The following SIGLEC9 variants were observed in gnomAD, a reference collection of about 807,000 sequenced individuals.
The protein encoded by SIGLEC9 is sialic acid-binding Ig-like lectin 9.
SIGLEC9 carries 26 observed loss-of-function variants against 38.3 expected under a neutral mutation model. The ratio of observed to expected loss-of-function variants is 0.68; its 90% CI spans 0.50 to 0.94. The LOEUF (loss-of-function observed/expected upper bound fraction) is 0.94, where lower values mean the gene tolerates loss of function less well. Ranked by LOEUF, SIGLEC9 falls within the 40% of genes least tolerant of loss-of-function variation. The pLI is 0.00. For missense variants in SIGLEC9, 556 were observed against 585.7 expected (o/e 0.95, Z 0.52); for synonymous variants, 236 against 248.0 (o/e 0.95, Z 0.45).
chr19:51,125,436 T>C (rs751845758), intron 1 of SIGLEC9, 41 bp downstream of exon 1: 3 of 1,556,782 alleles, frequency 1.9e-6, no homozygotes, highest in Non-Finnish European at 1.7e-6. Context: ...GGAAAGGTCA[T>C]GGGGGCGGCA....
At chr19:51,122,044 C>G (rs1185540233), upstream of SIGLEC9, among the ~76,000 whole-genome samples, 1 of 152,142 alleles carries the variant, frequency 6.6e-6, no homozygotes, top group Non-Finnish European at 1.5e-5. The surrounding 1 kb of genome is among the most constrained non-coding windows in gnomAD (Gnocchi z 4.1). Flanking sequence ...CCTCGGCACC[C>G]TCAGTCTAAG....
rs200658 is a variant in SIGLEC9, at chr19:51,125,348, G to A, written c.374G>A (p.Ser125Asn). 2.3e-3 allele frequency: 3,740 copies of A among 1,605,912 alleles called. 64 individuals carry two copies. In the African/African-American group the frequency reaches 0.043, roughly 18 times the overall value. ...GRYFFRMEKG[S>N]IKWNYKHHRL... Reference sequence around the variant, plus strand: ...TACTTCTTTCGTATGGAGAAAGGAAGTATAAAATGGAATTATAAACATCAC... The same window carrying A: ...TACTTCTTTCGTATGGAGAAAGGAAATATAAAATGGAATTATAAACATCAC... The change falls in exon 1 of 7, where the codon AGT becomes AAT. Residue 125 changes from serine (S) to asparagine (N), a missense_variant. Coordinates refer to ENST00000250360, the MANE Select transcript of SIGLEC9 (RefSeq NM_014441.3).
chr19:51,127,887 G>A, intron 4 of SIGLEC9, 62 bp from the exon 5 acceptor site: 2 of 944,080 alleles, frequency 2.1e-6, no homozygotes, highest in Admixed American at 3.7e-5. Context: ...TACAGGAAGT[G>A]GGAGGAGAAG....
downstream of SIGLEC9, among the ~76,000 whole-genome samples, chr19:51,131,047 C>T (rs1003344611): frequency 7.2e-5 from 11 of 152,058 alleles, no homozygotes; most frequent in African/African-American, 2.7e-4. Context: ...AAAGCCAAAC[C>T]CAGGGAATGA....
intron 5 of SIGLEC9, 79 bp downstream of exon 5, chr19:51,128,118 G>A (rs2091991097): frequency 1.7e-6 from 2 of 1,197,894 alleles, no homozygotes; most frequent in Non-Finnish European, 2.5e-6. Context: ...TGAAGCCAGA[G>A]CTGGAGGGAC....
chr19:51,126,672 G>A (rs2091981191), intron 3 of SIGLEC9, among the ~76,000 whole-genome samples: 1 of 152,172 alleles, frequency 6.6e-6, no homozygotes, highest in Non-Finnish European at 1.5e-5. Context: ...TCCACTGCAT[G>A]GATGGACTCT....
At chr19:51,135,987 C>G in exon 7 of SIGLEC9, 1 of 703,106 alleles carries the variant, frequency 1.4e-6, no homozygotes, top group Non-Finnish European at 2.6e-6. Context: ...ATTGGATTTC[C>G]TACATTCCTT....
At chr19:51,120,658 C>T, upstream of SIGLEC9, 1 of 167,984 alleles carries the variant, frequency 6.0e-6, no homozygotes. This position sits in a 1 kb window ranked among gnomAD's most constrained non-coding sequence, Gnocchi z 4.1. Context: ...CAGTTCTCAG[C>T]CTTATCCCAC....
rs770809960 is a variant in SIGLEC9 at position 51,129,965 on chromosome 19, G to C, written c.1278G>C (p.Val426=). 6.2e-7 allele frequency: 1 copy of C among 1,613,888 alleles called. No individual in the cohort carries two copies. The highest frequency in any genetic ancestry group is 1.7e-5 in the Admixed American group (1 of 59,976). The change falls in exon 7 of 7, where the codon GTG becomes GTC. Residue 426 remains valine, a synonymous_variant. Transcript: ENST00000250360. The part of the protein sequence containing the change: ...QPPPASARSS[V]GEGELQYASL... ...CCCCAGCTTCTGCCCGCTCCTCAGT[G>C]GGGGAAGGAGAGCTCCAGTATGCAT...
Position 51,125,698 on chromosome 19 carries a change from C to T in SIGLEC9, c.523C>T (p.Pro175Ser), listed in dbSNP as rs2091973502. 4 of 1,613,864 alleles carry T rather than the reference C, an allele frequency of 2.5e-6. No homozygotes were observed. The highest frequency in any genetic ancestry group is 3.4e-6 in the Non-Finnish European group (4 of 1,179,976). ...SVPWACEQGT[P>S]PMISWIGTSV... ...GCCCTGGGCCTGTGAGCAGGGGACA[C>T]CCCCTATGATCTCCTGGATAGGGAC... Residue 175 changes from proline to serine, a missense_variant, in exon 2 of 7, where the codon CCC becomes TCC. Pro to Ser is a moderately conservative substitution (Grantham distance 74). Coordinates refer to ENST00000250360, the MANE Select transcript of SIGLEC9 (RefSeq NM_014441.3).
upstream of SIGLEC9, among the ~76,000 whole-genome samples, chr19:51,121,602 T>TG (rs1266440622): frequency 7.3e-6 from 1 of 136,528 alleles, no homozygotes; most frequent in African/African-American, 3.5e-5. Flanking sequence ...TTTTTTTTTT[T>TG]GAAGATGAAG....
chr19:51,125,634 C>T lies in SIGLEC9; in HGVS notation c.459C>T (p.Thr153=). 4 of 1,612,946 alleles carry T rather than the reference C, an allele frequency of 2.5e-6. No individual in the cohort carries two copies. The highest frequency in any genetic ancestry group is 3.4e-6 in the Non-Finnish European group (4 of 1,179,978). ...THRPNILIPG[T]LESGCPQNLT... ...GGCCCAACATCCTCATCCCAGGCACCCTGGAGTCCGGCTGCCCCCAGAATC... is the reference window on the plus strand; with the variant it reads ...GGCCCAACATCCTCATCCCAGGCACTCTGGAGTCCGGCTGCCCCCAGAATC... The change falls in exon 2 of 7, where the codon ACC becomes ACT. Residue 153 remains threonine, a synonymous_variant. Transcript: ENST00000250360.
chr19:51,125,011 G>C lies in SIGLEC9; in HGVS notation c.37G>C (p.Glu13Gln). The C allele has an allele frequency of 6.2e-7, 1 of 1,611,934 alleles. No homozygotes were observed. The highest frequency in any genetic ancestry group is 1.1e-5 in the South Asian group (1 of 90,852). ...GCTGCTGCCCCTGCTCTGGGGGAGG[G>C]AGAGGGCGGAAGGACAGACAAGTAA... is the stretch of plus-strand genomic sequence containing the variant. ...LLLLPLLWGR[E>Q]RAEGQTSKLL... Residue 13 changes from glutamate to glutamine, a missense_variant, in exon 1 of 7, where the codon GAG (glutamate) becomes CAG (glutamine). Physicochemically the swap from Glu to Gln is conservative, Grantham distance 29. Transcript: ENST00000250360.
downstream of SIGLEC9, among the ~76,000 whole-genome samples, chr19:51,132,403 G>A (rs969065446): frequency 6.6e-6 from 1 of 152,166 alleles, no homozygotes; most frequent in Non-Finnish European, 1.5e-5. Flanking sequence ...CACCGTGTGC[G>A]TGTTGTTTGT....
downstream of SIGLEC9, chr19:51,130,445 C>T (rs2092009453): frequency 5.9e-6 from 1 of 169,968 alleles, no homozygotes; most frequent in African/African-American, 2.4e-5. Context: ...TGATGGATCG[C>T]TGTGCTTTGA....
downstream of SIGLEC9, among the ~76,000 whole-genome samples, chr19:51,130,591 G>C (rs561224387): frequency 6.6e-6 from 1 of 152,198 alleles, no homozygotes; most frequent in East Asian, 1.9e-4. Flanking sequence ...GGTCTAGGTA[G>C]CATCTGGATC....
At chr19:51,134,966 A>G (rs182905628), downstream of SIGLEC9, among the ~76,000 whole-genome samples, 1 of 152,332 alleles carries the variant, frequency 6.6e-6, no homozygotes, top group Admixed American at 6.5e-5. Context: ...TTTTTAACTC[A>G]GGAGCTACAT....
At chr19:51,122,022 T>TC (rs2091951186), upstream of SIGLEC9, among the ~76,000 whole-genome samples, 1 of 151,308 alleles carries the variant, frequency 6.6e-6, no homozygotes, top group African/African-American at 2.4e-5. This position sits in a 1 kb window ranked among gnomAD's most constrained non-coding sequence, Gnocchi z 4.1. Context: ...TGGCCCAGAG[T>TC]CCCCTGTGAC....
chr19:51,135,683 G>A (rs1395141840), intron 6 of SIGLEC9, among the ~76,000 whole-genome samples: 3 of 152,090 alleles, frequency 2.0e-5, no homozygotes, highest in African/African-American at 7.2e-5. Flanking sequence ...ATAAGTTGCT[G>A]CGTCTCTCTT....
Sources: gnomAD v4.1 joint callset for allele counts (sites outside exome capture counted in the v4.1 genomes callset) on GRCh38, gnomAD v4.1.1 for gene constraint, Gnocchi (gnomAD v3.1) non-coding constraint, MANE v1.5 for transcripts, NCBI Gene and HGNC (gene_info 2026-07-23, HGNC 2026-07-21) for gene names.